The following LRRC27 variants were observed in gnomAD, a reference collection of about 807,000 sequenced individuals.
LRRC27 encodes leucine-rich repeat-containing protein 27.
LRRC27 carries 57 observed loss-of-function variants against 55.0 expected under a neutral mutation model. That is an observed-to-expected ratio of 1.04 (90% CI 0.84 to 1.29). The LOEUF is 1.29. Among genes scored for constraint, LRRC27 ranks in the 50% most tolerant of loss-of-function variants. The pLI is 0.00. For missense variants in LRRC27, 721 were observed against 651.5 expected (o/e 1.11, Z -1.16); for synonymous variants, 278 against 251.9 (o/e 1.10, Z -0.98).
intron 6 of LRRC27, chr10:132,349,081 G>A: frequency 6.6e-7 from 1 of 1,518,006 alleles, no homozygotes; most frequent in South Asian, 1.2e-5. Context: ...GTGTGCGTGT[G>A]TGTGCCTGCA....
At chr10:132,364,454 C>A (rs1032373132) in intron 9 of LRRC27, among the ~76,000 whole-genome samples, 77 of 114,154 alleles carry the variant, frequency 6.7e-4, no homozygotes, top group Non-Finnish European at 1.0e-3. Flanking sequence ...CACACCCACA[C>A]TCACACCCAC....
In LRRC27 at chr10:132,375,268, CGTCTTCAG is replaced by C; in HGVS notation, c.*27_*34del. On this transcript the variant is annotated 3_prime_UTR_variant, in exon 11 of 11. Transcript: ENST00000368614. ...CACCAGGTGGCTGGACTGATGGAGACGTCTTCAGACAGGAGCCGCTCAGTCTTCTTTCC... is the reference window on the plus strand; with the variant it reads ...CACCAGGTGGCTGGACTGATGGAGACACAGGAGCCGCTCAGTCTTCTTTCC... 3 of 1,593,690 alleles carry C rather than the reference CGTCTTCAG, an allele frequency of 1.9e-6. No homozygotes were observed. The highest frequency in any genetic ancestry group is 2.6e-6 in the Non-Finnish European group (3 of 1,167,502).
At position 132,361,573 on chromosome 10, in the gene LRRC27, GA is replaced by G; in HGVS notation, c.1288del (p.Ser430ValfsTer8). ...EKSPQASKEMSALQERNLEEK... is the reference protein window; with the variant it reads ...EKSPQASKEMXALQERNLEEK... ...AATCGCCACAAGCAAGTAAAGAAAT[GA>G]GGTTGGTAACTGCAACTGGCACTCA... On this transcript the variant is annotated frameshift_variant and splice_region_variant, in exon 9 of 11. Coordinates refer to ENST00000368614, the MANE Select transcript of LRRC27 (RefSeq NM_030626.3). LOFTEE classifies it high-confidence loss of function. 1 of 1,611,010 alleles carries G rather than the reference GA, an allele frequency of 6.2e-7. No homozygotes were observed. The highest frequency in any genetic ancestry group is 1.3e-5 in the African/African-American group (1 of 74,974).
At position 132,332,200 on chromosome 10, in the gene LRRC27, G is replaced by C. The variant is rs1298910424; in HGVS notation, c.-105G>C. On this transcript the variant is annotated 5_prime_UTR_variant, in exon 1 of 11. Transcript: ENST00000368614. Reference sequence around the variant, plus strand: ...GTTGGCTGGGTGGCCTCCATTGTCGGGCTGCTGCTCTCAGCGGCGGGGCTC... The same window carrying C: ...GTTGGCTGGGTGGCCTCCATTGTCGCGCTGCTGCTCTCAGCGGCGGGGCTC... The C allele has an allele frequency of 6.4e-6, 1 of 156,536 alleles. No homozygotes were observed. The highest frequency in any genetic ancestry group is 2.4e-5 in the African/African-American group (1 of 41,594). 9.7% of individuals were successfully genotyped at this position (156,536 alleles called of 1,614,324 possible).
At chr10:132,368,494 T>C (rs566063416) in intron 10 of LRRC27, among the ~76,000 whole-genome samples, 1 of 152,062 alleles carries the variant, frequency 6.6e-6, no homozygotes, top group African/African-American at 2.4e-5. Flanking sequence ...AGCCCCAAAA[T>C]AGACCCACAC....
In LRRC27 at chr10:132,374,324, G is replaced by T. The variant is rs1156820065; in HGVS notation, c.1417-742G>T. On this transcript the variant is annotated intron_variant, in intron 10 of 10. Coordinates refer to ENST00000368614, the MANE Select transcript of LRRC27 (RefSeq NM_030626.3). The surrounding 1 kb of genome is among the most constrained non-coding windows in gnomAD (Gnocchi z 4.4). ...TGCCCCCAGCAAGGCAAGCCGGGGA[G>T]GGAGACGGGAGCCGGGTGGCCCAGG... Among the ~76,000 whole-genome samples the T allele has an allele frequency of 6.6e-6, 1 of 152,152 alleles. No homozygotes were observed. Among genetic ancestry groups the T allele is most frequent in the African/African-American group, 2.4e-5 (1 of 41,422 alleles).
chr10:132,380,333 T>G lies in LRRC27; in HGVS notation c.*5091T>G, dbSNP rs1001336735. Among the ~76,000 whole-genome samples the G allele has an allele frequency of 2.0e-5, 3 of 151,716 alleles. No homozygotes were observed. Among genetic ancestry groups the G allele is most frequent in the African/African-American group, 7.3e-5 (3 of 41,222 alleles). On this transcript the variant is annotated 3_prime_UTR_variant, in exon 11 of 11. Coordinates refer to ENST00000368614, the MANE Select transcript of LRRC27 (RefSeq NM_030626.3). ...AATGCAGCATTAAATTATAACTGCA[T>G]GAAATTAACTGCAGTCCACAGTGTG...
chr10:132,363,569 A>G (rs1206402988), intron 9 of LRRC27, among the ~76,000 whole-genome samples: 2 of 152,172 alleles, frequency 1.3e-5, no homozygotes, highest in Non-Finnish European at 2.9e-5. Flanking sequence ...TGGAGACCCC[A>G]GGGCATGAGC....
intron 2 of LRRC27, 109 bp from the exon 3 acceptor site, chr10:132,337,456 T>C: frequency 6.7e-7 from 1 of 1,494,044 alleles, no homozygotes; most frequent in Admixed American, 2.3e-5. Context: ...TAACTTAGTA[T>C]ATACGGTTCT....
chr10:132,333,812 T>A lies in LRRC27; in HGVS notation c.210+78T>A, dbSNP rs534574510. 3.7e-6 allele frequency: 4 copies of A among 1,068,158 alleles called. No homozygotes were observed. The East Asian group carries it at 9.8e-5, about 26-fold the overall frequency. 66.2% of individuals were successfully genotyped at this position (1,068,158 alleles called of 1,614,324 possible). On this transcript the variant is annotated intron_variant, in intron 2 of 10. Coordinates refer to ENST00000368614, the MANE Select transcript of LRRC27 (RefSeq NM_030626.3). ...AATGGGAATGTACCCCTGGGCTTTATTTGTAGGCTTCTTTCTCTTTGGAAT... is the reference window on the plus strand; with the variant it reads ...AATGGGAATGTACCCCTGGGCTTTAATTGTAGGCTTCTTTCTCTTTGGAAT...
chr10:132,331,825 A>T, upstream of LRRC27: 1 of 1,544,972 alleles, frequency 6.5e-7, no homozygotes, highest in Non-Finnish European at 8.8e-7. Flanking sequence ...CACCCCTTCA[A>T]GGCCGCGGGC....
At chr10:132,366,886 G>A (rs753781734) in intron 10 of LRRC27, 32 of 1,286,230 alleles carry the variant, frequency 2.5e-5, no homozygotes, top group Middle Eastern at 2.1e-4. Flanking sequence ...GCAGGATGTG[G>A]AGCCACTTCA....
chr10:132,361,716 C>T (rs2068624288), intron 9 of LRRC27, 141 bp downstream of exon 9: 3 of 663,050 alleles, frequency 4.5e-6, no homozygotes, highest in Admixed American at 2.5e-5. Context: ...TGGCGGGCTC[C>T]AGGCTGTGGT....
At chr10:132,351,299 G>A (rs866119038) in intron 6 of LRRC27, 28 of 314,862 alleles carry the variant, frequency 8.9e-5, no homozygotes, top group South Asian at 2.9e-4. Flanking sequence ...CAAGCAGGTC[G>A]GGTGCAGCTG....
At chr10:132,367,108 G>T in intron 10 of LRRC27, 1 of 607,974 alleles carries the variant, frequency 1.6e-6, no homozygotes, top group Non-Finnish European at 2.1e-6. Flanking sequence ...GGACACAAAA[G>T]TCGATTTGGT....
At position 132,348,897 on chromosome 10, in the gene LRRC27, A is replaced by C. The variant is rs1427812303; in HGVS notation, c.926+541A>C. ...GCAGTCATTGTGTGGCCCACTTCCAAAGCTTGCCTTTGCCTTTGGTACAGT... is the reference window on the plus strand; with the variant it reads ...GCAGTCATTGTGTGGCCCACTTCCACAGCTTGCCTTTGCCTTTGGTACAGT... On this transcript the variant is annotated intron_variant, in intron 6 of 10. Coordinates refer to ENST00000368614, the MANE Select transcript of LRRC27 (RefSeq NM_030626.3). The surrounding 1 kb of genome is among the most constrained non-coding windows in gnomAD (Gnocchi z 4.2). 2.5e-6 allele frequency: 3 copies of C among 1,211,998 alleles called. No homozygotes were observed. Among genetic ancestry groups the C allele is most frequent in the Non-Finnish European group, 3.6e-6 (3 of 842,178 alleles). 75.1% of individuals were successfully genotyped at this position (1,211,998 alleles called of 1,614,324 possible). A position where few individuals can be genotyped will look rare whatever the true frequency, so the allele number is the denominator to read the frequency against.
intron 9 of LRRC27, among the ~76,000 whole-genome samples, chr10:132,363,719 G>A (rs567941923): frequency 1.4e-4 from 22 of 152,296 alleles, no homozygotes; most frequent in South Asian, 8.3e-4. Context: ...GCCTGGCCCC[G>A]GCCCTGCTGC....
chr10:132,375,730 A>C lies in LRRC27; in HGVS notation c.*488A>C, dbSNP rs1001590341. 6.5e-6 allele frequency: 1 copy of C among 152,980 alleles called. No individual in the cohort carries two copies. Among genetic ancestry groups the C allele is most frequent in the African/African-American group, 2.4e-5 (1 of 41,460 alleles). 9.5% of individuals were successfully genotyped at this position (152,980 alleles called of 1,614,324 possible). On this transcript the variant is annotated 3_prime_UTR_variant, in exon 11 of 11. Coordinates refer to ENST00000368614, the MANE Select transcript of LRRC27 (RefSeq NM_030626.3). The stretch of plus-strand genomic sequence containing the variant: ...GGAGTGGTTACCCTGCTCCCTGCCC[A>C]GTGACAAGCCCTCCTTTCCCCTGGG...
rs761451237 is a variant in LRRC27, at chr10:132,375,056, C to T, written c.1417-10C>T. On this transcript the variant is annotated splice_polypyrimidine_tract_variant and intron_variant, in intron 10 of 10. Coordinates refer to ENST00000368614, the MANE Select transcript of LRRC27 (RefSeq NM_030626.3). Reference sequence around the variant, plus strand: ...CTTTCTAACATCTCCCCCTCCTTGTCTCCCATAAGGCCACAGAGCTACAGG... The same window carrying T: ...CTTTCTAACATCTCCCCCTCCTTGTTTCCCATAAGGCCACAGAGCTACAGG... The T allele has an allele frequency of 9.4e-6, 15 of 1,600,168 alleles. No homozygotes were observed. The highest frequency in any genetic ancestry group is 1.3e-5 in the African/African-American group (1 of 74,600).
Sources: gnomAD v4.1 joint callset for allele counts (sites outside exome capture counted in the v4.1 genomes callset) on GRCh38, gnomAD v4.1.1 for gene constraint, Gnocchi (gnomAD v3.1) non-coding constraint, MANE v1.5 for transcripts, NCBI Gene and HGNC (gene_info 2026-07-23, HGNC 2026-07-21) for gene names.